The following BCL6 variants were observed in gnomAD, a reference collection of about 807,000 sequenced individuals.
BCL6 encodes the protein B-cell lymphoma 6 protein.
A neutral mutation model predicts 59.5 loss-of-function variants in BCL6; 7 were observed. The ratio of observed to expected loss-of-function variants is 0.12; its 90% CI spans 0.07 to 0.22. BCL6 has a LOEUF of 0.22. Ranked by LOEUF, BCL6 falls within the 10% of genes least tolerant of loss-of-function variation. BCL6 has a pLI of 1.00. For missense variants in BCL6, 685 were observed against 939.4 expected (o/e 0.73, Z 3.54); for synonymous variants, 339 against 349.7 (o/e 0.97, Z 0.34).
chr3:187,722,326 ACCCCCAG>A lies in BCL6; in HGVS notation c.*125_*131del. 1.7e-5 allele frequency: 4 copies of A among 236,034 alleles called. No individual in the cohort carries two copies. Among genetic ancestry groups the A allele is most frequent in the Non-Finnish European group, 2.6e-5 (4 of 152,116 alleles). The allele number at this position is 236,034 out of a possible 1,614,324, so 14.6% of individuals were successfully genotyped here. A position where few individuals can be genotyped will look rare whatever the true frequency, so the allele number is the denominator to read the frequency against. On this transcript the variant is annotated 3_prime_UTR_variant, in exon 10 of 10. Coordinates refer to ENST00000406870, the MANE Select transcript of BCL6 (RefSeq NM_001706.5). ...CAGGCCCCGACCCCCACCACCCCCA[ACCCCCAG>A]CTATGATTTGCACTAGTGGATGAAA...
In BCL6 at chr3:187,729,912, T is replaced by C; in HGVS notation, c.493A>G (p.Asn165Asp). The change falls in exon 5 of 10, where the codon AAC becomes GAC. Residue 165 changes from asparagine to aspartate, a missense_variant. By Grantham distance (23) the Asn-to-Asp change is conservative. Coordinates refer to ENST00000406870, the MANE Select transcript of BCL6 (RefSeq NM_001706.5). The surrounding 1 kb of genome is among the most constrained non-coding windows in gnomAD (Gnocchi z 5.6). Reference protein sequence around the residue: ...MAYRGREVVENNLPLRSAPGC... With the variant: ...MAYRGREVVEDNLPLRSAPGC... ...GGGGCGCTCCTCAGTGGCAGGTTGT[T>C]CTCCACCACCTCACGACCCCGATAG... The C allele has an allele frequency of 6.2e-7, 1 of 1,613,990 alleles. No homozygotes were observed. The highest frequency in any genetic ancestry group is 8.5e-7 in the Non-Finnish European group (1 of 1,179,984).
At chr3:187,738,674 A>AGGG in intron 1 of BCL6, among the ~76,000 whole-genome samples, 1 of 152,298 alleles carries the variant, frequency 6.6e-6, no homozygotes, top group East Asian at 1.9e-4. Flanking sequence ...GCTAGGGGAC[A>AGGG]GCGAAAGACT....
rs571477785 is a variant in BCL6, at chr3:187,726,235, C to G, written c.1708+496G>C. Among the ~76,000 whole-genome samples the G allele has an allele frequency of 2.2e-4, 34 of 152,260 alleles. 3 individuals are homozygous for G. The South Asian group carries it at 7.1e-3, about 32-fold the overall frequency. ...CTGAGTAGATGCTCAGCAGAGGAAACCAATAGAATGGCTGAACCTTCCTTC... is the reference window on the plus strand; with the variant it reads ...CTGAGTAGATGCTCAGCAGAGGAAAGCAATAGAATGGCTGAACCTTCCTTC... On this transcript the variant is annotated intron_variant, in intron 7 of 9. Transcript: ENST00000406870.
intron 9 of BCL6, among the ~76,000 whole-genome samples, chr3:187,723,131 A>T (rs928900955): frequency 3.9e-5 from 6 of 152,316 alleles, no homozygotes; most frequent in Middle Eastern, 3.4e-3. Flanking sequence ...ATCTGAACAC[A>T]TCTGGACAAA....
chr3:187,724,874 G>C (rs79388315), intron 9 of BCL6, 67 bp downstream of exon 9: 156 of 1,594,920 alleles, frequency 9.8e-5, no homozygotes, highest in Admixed American at 5.3e-4. Flanking sequence ...CCTTCCCTGC[G>C]CTCCACCTCC....
chr3:187,744,081 A>T (rs539185052), intron 1 of BCL6, among the ~76,000 whole-genome samples: 1 of 152,094 alleles, frequency 6.6e-6, no homozygotes, highest in African/African-American at 2.4e-5. Context: ...GGCGTCCACT[A>T]CGCTCAGGCC....
chr3:187,731,248 G>C (rs538148869), intron 4 of BCL6, among the ~76,000 whole-genome samples: 1 of 152,148 alleles, frequency 6.6e-6, no homozygotes, highest in Non-Finnish European at 1.5e-5. Flanking sequence ...TCACAGTCTG[G>C]TCGGGAACTA....
chr3:187,733,981 A>G (rs1719169180), intron 2 of BCL6: 1 of 442,856 alleles, frequency 2.3e-6, no homozygotes, highest in African/African-American at 2.0e-5. Flanking sequence ...CATACCAAAT[A>G]CTCTGCCAAG....
At chr3:187,727,600 A>G (rs888796418) in intron 6 of BCL6, among the ~76,000 whole-genome samples, 66 of 152,236 alleles carry the variant, frequency 4.3e-4, no homozygotes, top group Admixed American at 2.2e-3. Context: ...AGTGCAGAGC[A>G]AAGGCAAACT....
Position 187,728,484 on chromosome 3 carries a change from G to C in BCL6, c.1416C>G (p.Pro472=), listed in dbSNP as rs201059480. 45 of 1,611,872 alleles carry C rather than the reference G, an allele frequency of 2.8e-5. No homozygotes were observed. Among genetic ancestry groups the C allele is most frequent in the East Asian group, 1.3e-4 (6 of 44,830 alleles). ...GAGAGCCGCAGGACGTGCACTTCGG[G>C]GGGTGCATGTAGAGTGGTGAGTGGC... is the stretch of plus-strand genomic sequence containing the variant. ...SESHSPLYMH[P]PKCTSCGSQS... is the part of the protein sequence containing the mutation. Residue 472 remains proline (P), a synonymous_variant, in exon 6 of 10, where the codon CCC becomes CCG. Coordinates refer to ENST00000406870, the MANE Select transcript of BCL6 (RefSeq NM_001706.5).
At position 187,730,999 on chromosome 3, in the gene BCL6, T is replaced by TA. The variant is rs150359200; in HGVS notation, c.383+709dup. Among the ~76,000 whole-genome samples the TA allele has an allele frequency of 2.0e-3, 310 of 152,318 alleles. 2 individuals carry two copies. The highest frequency in any genetic ancestry group is 5.1e-3 in the African/African-American group (210 of 41,576). ...TGTTTGAGCGAGGATGCAATCACCC[T>TA]AGCATGGCTGGATCAAAAGGTTCTA... On this transcript the variant is annotated intron_variant, in intron 4 of 9. Coordinates refer to ENST00000406870, the MANE Select transcript of BCL6 (RefSeq NM_001706.5).
intron 3 of BCL6, chr3:187,732,287 C>T (rs1310143467): frequency 2.6e-5 from 10 of 382,252 alleles, no homozygotes; most frequent in South Asian, 8.5e-5. Context: ...TTTGCAGTAA[C>T]TATTCTTAGT....
rs142475171 is a variant in BCL6 at position 187,725,121 on chromosome 3, G to T, written c.1840-43C>A. On this transcript the variant is annotated intron_variant, in intron 8 of 9. Transcript: ENST00000406870. The surrounding 1 kb of genome is among the most constrained non-coding windows in gnomAD (Gnocchi z 4.7). ...CATGAGAGGTCTTCTGGGGTGGGCT[G>T]CAGGCCTCTGGGCAGCCCCTCATTA... The T allele has an allele frequency of 7.4e-6, 12 of 1,611,624 alleles. No homozygotes were observed. In the African/African-American group the frequency reaches 1.6e-4, roughly 21 times the overall value.
At chr3:187,724,329 G>A (rs1487259178) in intron 9 of BCL6, among the ~76,000 whole-genome samples, 1 of 152,190 alleles carries the variant, frequency 6.6e-6, no homozygotes, top group Admixed American at 6.5e-5. Flanking sequence ...TTCATGGAAT[G>A]TTCAAACATT....
At position 187,729,184 on chromosome 3, in the gene BCL6, G is replaced by A. The variant is rs1718888103; in HGVS notation, c.1221C>T (p.Ala407=). 12 of 1,613,566 alleles carry A rather than the reference G, an allele frequency of 7.4e-6. No individual in the cohort carries two copies. Among genetic ancestry groups the A allele is most frequent in the Non-Finnish European group, 1.0e-5 (12 of 1,179,668 alleles). ...QAELGRLSPR[A]YTAPPACQPP... The stretch of plus-strand genomic sequence containing the variant: ...GCTGGCAGGCAGGTGGGGCCGTGTA[G>A]GCTCGTGGGGAAAGGCGGCCCAGCT... Residue 407 remains alanine (A), a synonymous_variant, in exon 5 of 10, where the codon GCC becomes GCT. Coordinates refer to ENST00000406870, the MANE Select transcript of BCL6 (RefSeq NM_001706.5). The surrounding 1 kb of genome is among the most constrained non-coding windows in gnomAD (Gnocchi z 5.6).
chr3:187,727,475 C>T (rs1718772905), intron 6 of BCL6, among the ~76,000 whole-genome samples: 2 of 152,250 alleles, frequency 1.3e-5, no homozygotes, highest in Admixed American at 1.3e-4. Flanking sequence ...ATGACGAACA[C>T]TCTGTGGTCA....
chr3:187,729,186 C>T lies in BCL6; in HGVS notation c.1219G>A (p.Ala407Thr). Reference sequence around the variant, plus strand: ...TGGCAGGCAGGTGGGGCCGTGTAGGCTCGTGGGGAAAGGCGGCCCAGCTCA... The same window carrying T: ...TGGCAGGCAGGTGGGGCCGTGTAGGTTCGTGGGGAAAGGCGGCCCAGCTCA... ...QAELGRLSPR[A>T]YTAPPACQPP... The change falls in exon 5 of 10, where the codon GCC (alanine) becomes ACC (threonine). Residue 407 changes from alanine (A) to threonine (T), a missense_variant. Ala to Thr is a moderately conservative substitution (Grantham distance 58). Transcript: ENST00000406870. This position sits in a 1 kb window ranked among gnomAD's most constrained non-coding sequence, Gnocchi z 5.6. 1 of 1,574,258 alleles carries T rather than the reference C, an allele frequency of 6.4e-7. No individual in the cohort carries two copies. The highest frequency in any genetic ancestry group is 8.6e-7 in the Non-Finnish European group (1 of 1,157,956).
chr3:187,724,091 G>A (rs1445307292), intron 9 of BCL6, among the ~76,000 whole-genome samples: 2 of 152,004 alleles, frequency 1.3e-5, no homozygotes, highest in Non-Finnish European at 2.9e-5. Flanking sequence ...TGTTTTGCAG[G>A]TTAACCTCCG....
At chr3:187,723,990 T>C (rs1718544793) in intron 9 of BCL6, among the ~76,000 whole-genome samples, 1 of 152,186 alleles carries the variant, frequency 6.6e-6, no homozygotes. Flanking sequence ...GATTAGGAAA[T>C]TAAGGTACTA....
Sources: allele counts gnomAD v4.1 joint callset (sites outside exome capture counted in the v4.1 genomes callset), GRCh38; gene constraint gnomAD v4.1.1; non-coding constraint Gnocchi (gnomAD v3.1); transcripts MANE v1.5; gene names NCBI Gene and HGNC (gene_info 2026-07-23, HGNC 2026-07-21).